Variants in POLI observed in about 807,000 individuals in gnomAD.
POLI encodes the protein RAD30 homolog B.
A neutral mutation model predicts 51.6 loss-of-function variants in POLI; 58 were observed. The observed-to-expected ratio is 1.12, with a 90% CI of 0.91 to 1.40. POLI has a LOEUF of 1.40. Among genes scored for constraint, POLI ranks in the 40% most tolerant of loss-of-function variants. The pLI, the probability that POLI is intolerant of heterozygous loss-of-function variation, is 0.00. For synonymous variants in POLI, 322 were observed against 299.7 expected, an observed-to-expected ratio of 1.07 and a Z score of -0.77; for missense variants, 921 against 871.3, an observed-to-expected ratio of 1.06 and a Z score of -0.72.
chr18:54,304,955 G>C (rs951178399), intron 3 of POLI, among the ~76,000 whole-genome samples: 1 of 152,188 alleles, frequency 6.6e-6, no homozygotes, highest in African/African-American at 2.4e-5. Context: ...GTAAGGAAGG[G>C]ATCCAGTTTC....
chr18:54,297,579 T>C lies in POLI; in HGVS notation c.*3112T>C, dbSNP rs1487000944. The C allele has an allele frequency of 5.1e-6, 5 of 978,636 alleles. No individual in the cohort carries two copies. In the African/African-American group the frequency reaches 8.8e-5, roughly 17 times the overall value. 60.6% of individuals were successfully genotyped at this position (978,636 alleles called of 1,614,324 possible). ...TCTTATTTTTTAATATATTTCTTTT[T>C]CTATGTTGTGCTTCTTTCCCACCTT... On this transcript the variant is annotated 3_prime_UTR_variant, in exon 10 of 10. Transcript: ENST00000579534.
rs776678419 is a variant in POLI at position 54,291,882 on chromosome 18, T to C, written c.1248T>C (p.Phe416=). 1.4e-5 allele frequency: 23 copies of C among 1,608,858 alleles called. No homozygotes were observed. Among genetic ancestry groups the C allele is most frequent in the Admixed American group, 3.3e-5 (2 of 59,896 alleles). ...TPMVDILMKL[F]RNMVNVKMPF... is the part of the protein sequence containing the mutation. ...TGGTTGATATACTTATGAAACTTTT[T>C]CGAAATATGGTGAATGTGAAGATGC... Residue 416 remains phenylalanine, a synonymous_variant, in exon 9 of 10, where the codon TTT becomes TTC. Coordinates refer to ENST00000579534, the MANE Select transcript of POLI (RefSeq NM_007195.3).
chr18:54,299,649 A>G (rs1392955946), downstream of POLI, among the ~76,000 whole-genome samples: 1 of 152,204 alleles, frequency 6.6e-6, no homozygotes, highest in Non-Finnish European at 1.5e-5. Context: ...CAGGCAGGCT[A>G]ATACATGTCT....
At chr18:54,270,576 A>G (rs1472730018) in intron 1 of POLI, 1 of 152,234 alleles carries the variant, frequency 6.6e-6, no homozygotes, top group Admixed American at 6.5e-5. Flanking sequence ...GTATAATACT[A>G]TTAATTGAAC....
downstream of POLI, among the ~76,000 whole-genome samples, chr18:54,298,588 C>CT (rs145052748): frequency 0.012 from 1,334 of 114,852 alleles, 30 homozygotes; most frequent in South Asian, 0.024. Context: ...ACTACAGAAT[C>CT]TTTTTTTTTT....
rs141645046 is a variant in POLI at position 54,294,381 on chromosome 18, T to C, written c.2137T>C (p.Phe713Leu). The change falls in exon 10 of 10, where the codon TTC becomes CTC. Residue 713 changes from phenylalanine (F) to leucine (L), a missense_variant. Physicochemically the swap from Phe to Leu is conservative, Grantham distance 22. Coordinates refer to ENST00000579534, the MANE Select transcript of POLI (RefSeq NM_007195.3). ...TFPSDIDPQV[F>L]YELPEAVQKE... Reference sequence around the variant, plus strand: ...CCCTTCTGACATTGATCCTCAAGTTTTCTATGAACTACCAGAAGCAGTACA... The same window carrying C: ...CCCTTCTGACATTGATCCTCAAGTTCTCTATGAACTACCAGAAGCAGTACA... The C allele has an allele frequency of 7.1e-5, 115 of 1,613,598 alleles. No individual in the cohort carries two copies. Among genetic ancestry groups the C allele is most frequent in the Admixed American group, 1.3e-4 (8 of 59,970 alleles).
Position 54,294,248 on chromosome 18 carries a change from C to T in POLI, c.2004C>T (p.Phe668=), listed in dbSNP as rs533229029. 110 of 1,613,692 alleles carry T rather than the reference C, an allele frequency of 6.8e-5. 1 individual carries two copies. The South Asian group carries it at 1.1e-3, about 15-fold the overall frequency. ...CAAACTTGCAGAGTGAGCAACTTTTCTCCAGAAACCACACTACAGATAGCC... is the reference window on the plus strand; with the variant it reads ...CAAACTTGCAGAGTGAGCAACTTTTTTCCAGAAACCACACTACAGATAGCC... The part of the protein sequence containing the change: ...SFPNLQSEQL[F]SRNHTTDSHK... Residue 668 remains phenylalanine, a synonymous_variant, in exon 10 of 10, where the codon TTC becomes TTT. Coordinates refer to ENST00000579534, the MANE Select transcript of POLI (RefSeq NM_007195.3).
At chr18:54,273,785 TG>T in intron 2 of POLI, 140 bp from the exon 3 acceptor site, 1 of 442,202 alleles carries the variant, frequency 2.3e-6, no homozygotes, top group Non-Finnish European at 4.0e-6. Flanking sequence ...ATGGAGGCTA[TG>T]TTTTTTAATT....
chr18:54,273,846 C>A (rs771063420), intron 2 of POLI, 80 bp from the exon 3 acceptor site: 167 of 751,406 alleles, frequency 2.2e-4, no homozygotes, highest in Non-Finnish European at 3.0e-4. Flanking sequence ...ACAATTTAGA[C>A]AAATGTAATA....
chr18:54,275,269 C>T (rs116889815), intron 3 of POLI, among the ~76,000 whole-genome samples: 31 of 152,194 alleles, frequency 2.0e-4, no homozygotes, highest in Admixed American at 5.9e-4. Flanking sequence ...GGCTGTGAGC[C>T]GTGATTGTGT....
intron 2 of POLI, 100 bp from the exon 3 acceptor site, chr18:54,273,826 T>G (rs2087117303): frequency 1.6e-6 from 1 of 624,014 alleles, no homozygotes; most frequent in Admixed American, 4.0e-5. Flanking sequence ...TTATCAAAAC[T>G]GATTGTCTTA....
intron 6 of POLI, 127 bp downstream of exon 6, chr18:54,283,142 G>T: frequency 3.7e-6 from 2 of 536,254 alleles, no homozygotes; most frequent in Non-Finnish European, 6.5e-6. Flanking sequence ...CCTATTAGAA[G>T]GCTGATTTAT....
intron 3 of POLI, among the ~76,000 whole-genome samples, chr18:54,276,478 T>G (rs1473302863): frequency 1.3e-5 from 2 of 152,256 alleles, no homozygotes; most frequent in East Asian, 3.8e-4. Context: ...TGTATTTAAC[T>G]TGCTTTTCTA....
chr18:54,285,335 C>T (rs779337540), intron 7 of POLI, among the ~76,000 whole-genome samples: 3 of 152,186 alleles, frequency 2.0e-5, no homozygotes, highest in African/African-American at 4.8e-5. Context: ...TACAGGTTCT[C>T]TTATTTGAAG....
chr18:54,277,604 T>G, intron 3 of POLI, 99 bp from the exon 4 acceptor site: 1 of 724,192 alleles, frequency 1.4e-6, no homozygotes, highest in South Asian at 2.2e-5. Context: ...ATATAAAACC[T>G]TTAACAATAA....
chr18:54,292,356 G>T (rs549958551), intron 9 of POLI, among the ~76,000 whole-genome samples: 1 of 152,216 alleles, frequency 6.6e-6, no homozygotes, highest in South Asian at 2.1e-4. Context: ...AATATTTGCA[G>T]ATATTAGAAA....
Position 54,295,402 on chromosome 18 carries a change from A to G in POLI, c.*935A>G, listed in dbSNP as rs1476829989. 9.2e-6 allele frequency: 9 copies of G among 978,880 alleles called. No homozygotes were observed. The highest frequency in any genetic ancestry group is 1.1e-5 in the Non-Finnish European group (9 of 824,100). The allele number at this position is 978,880 out of a possible 1,614,324, so 60.6% of individuals were successfully genotyped here. A position where few individuals can be genotyped will look rare whatever the true frequency, so the allele number is the denominator to read the frequency against. ...GCCTTCCTCTTTTGCCTGCTAAACT[A>G]AAAATTGGATATAAGATTGAGAATG... On this transcript the variant is annotated 3_prime_UTR_variant, in exon 10 of 10. Coordinates refer to ENST00000579534, the MANE Select transcript of POLI (RefSeq NM_007195.3).
intron 3 of POLI, among the ~76,000 whole-genome samples, chr18:54,307,843 C>T (rs776219179): frequency 1.8e-4 from 27 of 150,164 alleles, no homozygotes; most frequent in Non-Finnish European, 3.6e-4. Flanking sequence ...ATATAATGGC[C>T]TTGTCTCTTT....
chr18:54,273,708 A>C (rs2087111470), intron 2 of POLI, among the ~76,000 whole-genome samples: 1 of 152,106 alleles, frequency 6.6e-6, no homozygotes, highest in Non-Finnish European at 1.5e-5. Flanking sequence ...ATACATTGGT[A>C]TATTATAATT....
Sources: gnomAD v4.1 joint callset for allele counts (sites outside exome capture counted in the v4.1 genomes callset) on GRCh38, gnomAD v4.1.1 for gene constraint, MANE v1.5 for transcripts, NCBI Gene and HGNC (gene_info 2026-07-23, HGNC 2026-07-21) for gene names.